Variants in JAKMIP2 observed in about 807,000 individuals in gnomAD.
JAKMIP2 encodes the protein janus kinase and microtubule-interacting protein 2.
In JAKMIP2, 25 loss-of-function variants were observed where a neutral mutation model predicts 115.0. That is an observed-to-expected ratio of 0.22 (90% CI 0.16 to 0.30). JAKMIP2 has a LOEUF of 0.30. Among genes scored for constraint, JAKMIP2 ranks in the 10% least tolerant of loss-of-function variants. JAKMIP2 has a pLI of 1.00. For synonymous variants in JAKMIP2, 334 were observed against 343.6 expected (o/e 0.97, Z 0.31); for missense variants, 642 against 957.6 (o/e 0.67, Z 4.35).
chr5:147,722,577 T>C (rs1051311378), intron 1 of JAKMIP2, among the ~76,000 whole-genome samples: 3 of 152,170 alleles, frequency 2.0e-5, no homozygotes, highest in Admixed American at 6.5e-5. Flanking sequence ...TGACCTGTGG[T>C]TTTAAAATAC....
chr5:147,709,617 G>A (rs1752706975), intron 1 of JAKMIP2, among the ~76,000 whole-genome samples: 2 of 152,240 alleles, frequency 1.3e-5, no homozygotes, highest in East Asian at 1.9e-4. Context: ...TTGGAAGGCC[G>A]AGGCGGGTGG....
At chr5:147,755,065 A>G (rs1221223555) in intron 1 of JAKMIP2, among the ~76,000 whole-genome samples, 4 of 152,154 alleles carry the variant, frequency 2.6e-5, no homozygotes, top group Admixed American at 6.6e-5. Flanking sequence ...ATAGGTATCA[A>G]GGACTTTTGG....
intron 14 of JAKMIP2, among the ~76,000 whole-genome samples, 174 bp downstream of exon 14, chr5:147,631,239 A>C (rs1005635250): frequency 3.5e-4 from 53 of 152,224 alleles, no homozygotes; most frequent in African/African-American, 1.3e-3. Flanking sequence ...TCACACATTA[A>C]AAAACATTCT....
intron 13 of JAKMIP2, 127 bp downstream of exon 13, chr5:147,632,553 G>C (rs957149617): frequency 1.5e-6 from 1 of 657,138 alleles, no homozygotes; most frequent in African/African-American, 1.8e-5. Context: ...ATAATTTTGA[G>C]GGTGATTGTG....
chr5:147,703,602 T>C lies in JAKMIP2; in HGVS notation c.-148-31648A>G, dbSNP rs1201583607. 2.6e-5 allele frequency among the ~76,000 whole-genome samples: 4 copies of C among 151,718 alleles called. No individual in the cohort carries two copies. In the East Asian group the frequency reaches 7.7e-4, roughly 29 times the overall value. On this transcript the variant is annotated intron_variant, in intron 1 of 21. Transcript: ENST00000616793. ...CTTAGCGTACTGTAACTTTTTTTTTTTTTTTTTAGTGACAAGACCTCACTA... is the reference window on the plus strand; with the variant it reads ...CTTAGCGTACTGTAACTTTTTTTTTCTTTTTTTAGTGACAAGACCTCACTA...
chr5:147,628,909 T>C (rs1417973851), intron 15 of JAKMIP2, 93 bp from the exon 16 acceptor site: 5 of 779,180 alleles, frequency 6.4e-6, no homozygotes, highest in Non-Finnish European at 1.1e-5. Context: ...GAGCATTCTG[T>C]ATAAGCCTGT....
At chr5:147,703,688 GT>G (rs1328398264) in intron 1 of JAKMIP2, among the ~76,000 whole-genome samples, 4 of 150,510 alleles carry the variant, frequency 2.7e-5, no homozygotes, top group Non-Finnish European at 5.9e-5. Flanking sequence ...CAGCCTCAAA[GT>G]GCTGGGATTA....
chr5:147,720,154 T>A (rs191541241), intron 1 of JAKMIP2, among the ~76,000 whole-genome samples: 2 of 152,120 alleles, frequency 1.3e-5, no homozygotes, highest in Admixed American at 6.5e-5. Context: ...AATTCTTGTC[T>A]TTAAGAATGT....
At chr5:147,639,873 A>T (rs977171357) in intron 9 of JAKMIP2, 113 bp from the exon 10 acceptor site, 72 of 1,254,722 alleles carry the variant, frequency 5.7e-5, no homozygotes, top group Admixed American at 6.7e-5. Flanking sequence ...GTTGTTTAAC[A>T]GTCTATTTGA....
intron 13 of JAKMIP2, among the ~76,000 whole-genome samples, chr5:147,632,429 A>G (rs1481399599): frequency 6.6e-6 from 1 of 152,312 alleles, no homozygotes; most frequent in East Asian, 1.9e-4. Context: ...CATAAAAGAT[A>G]GTAATGTTGA....
At chr5:147,623,181 C>T (rs986081906) in intron 17 of JAKMIP2, among the ~76,000 whole-genome samples, 6 of 151,398 alleles carry the variant, frequency 4.0e-5, no homozygotes, top group African/African-American at 7.3e-5. Context: ...TCCCAAATTG[C>T]TAGGACAGGT....
intron 16 of JAKMIP2, among the ~76,000 whole-genome samples, chr5:147,625,129 G>A (rs546414086): frequency 1.0e-3 from 159 of 152,006 alleles, no homozygotes; most frequent in South Asian, 2.1e-3. Flanking sequence ...ATAGGTGCAC[G>A]CCTCCATGCC....
rs181237592 is a variant in JAKMIP2 at position 147,779,724 on chromosome 5, T to C, written c.-149+2732A>G. 1.2e-4 allele frequency among the ~76,000 whole-genome samples: 19 copies of C among 152,240 alleles called. 1 individual carries two copies. In the East Asian group the frequency reaches 2.7e-3, roughly 22 times the overall value. Reference sequence around the variant, plus strand: ...AAAATGGAGTCTTACTGTTATAACCTAGAAGTGTCTTATCTTAAACAACTA... The same window carrying C: ...AAAATGGAGTCTTACTGTTATAACCCAGAAGTGTCTTATCTTAAACAACTA... On this transcript the variant is annotated intron_variant, in intron 1 of 21. Transcript: ENST00000616793.
At chr5:147,658,640 C>T (rs950666854) in intron 3 of JAKMIP2, among the ~76,000 whole-genome samples, 2 of 152,180 alleles carry the variant, frequency 1.3e-5, no homozygotes, top group African/African-American at 4.8e-5. Context: ...GCCGCCCCTC[C>T]CCTCAAGTGC....
At chr5:147,775,731 A>G (rs996424374) in intron 1 of JAKMIP2, among the ~76,000 whole-genome samples, 2 of 152,194 alleles carry the variant, frequency 1.3e-5, no homozygotes, top group Non-Finnish European at 2.9e-5. Context: ...AAGAGCTACT[A>G]GTTGAAGTCT....
chr5:147,644,890 T>C lies in JAKMIP2; in HGVS notation c.1043A>G (p.Glu348Gly), dbSNP rs1758051806. 6.2e-7 allele frequency: 1 copy of C among 1,613,826 alleles called. No individual in the cohort carries two copies. The highest frequency in any genetic ancestry group is 8.5e-7 in the Non-Finnish European group (1 of 1,179,916). Residue 348 changes from glutamate to glycine, a missense_variant, in exon 6 of 22, where the codon GAA becomes GGA. Coordinates refer to ENST00000616793, the MANE Select transcript of JAKMIP2 (RefSeq NM_001270941.2). ...CTTGGTAACGGCTTTTAGTTTTTCT[T>C]CCATGCGCTGCAAGGACACCATCAG... ...DELMVSLQRM[E>G]EKLKAVTKEN...
At chr5:147,603,405 G>A (rs1430775432) in intron 20 of JAKMIP2, among the ~76,000 whole-genome samples, 1 of 152,188 alleles carries the variant, frequency 6.6e-6, no homozygotes, top group Non-Finnish European at 1.5e-5. Context: ...CACAGCTGAA[G>A]CAATTTTGCT....
chr5:147,654,319 A>C (rs575802173), intron 3 of JAKMIP2, among the ~76,000 whole-genome samples: 2 of 152,100 alleles, frequency 1.3e-5, no homozygotes, highest in Admixed American at 6.6e-5. Context: ...GGACATTTTC[A>C]TGATGATGAT....
At position 147,640,906 on chromosome 5, in the gene JAKMIP2, G is replaced by A. The variant is rs1024433807; in HGVS notation, c.1282-83C>T. The A allele has an allele frequency of 1.5e-4, 192 of 1,241,612 alleles. No individual in the cohort carries two copies. In the South Asian group the frequency reaches 2.2e-3, roughly 14 times the overall value. The allele number at this position is 1,241,612 out of a possible 1,614,324, so 76.9% of individuals were successfully genotyped here. A position where few individuals can be genotyped will look rare whatever the true frequency, so the allele number is the denominator to read the frequency against. The stretch of plus-strand genomic sequence containing the variant: ...GTTAAAATACTGTCAACTGGCATAC[G>A]TGTAAGTGAATATAGAAGACATGGA... On this transcript the variant is annotated intron_variant, in intron 8 of 21. Coordinates refer to ENST00000616793, the MANE Select transcript of JAKMIP2 (RefSeq NM_001270941.2).
Sources: allele counts gnomAD v4.1 joint callset (sites outside exome capture counted in the v4.1 genomes callset), GRCh38; gene constraint gnomAD v4.1.1; transcripts MANE v1.5; gene names NCBI Gene and HGNC (gene_info 2026-07-23, HGNC 2026-07-21).